NMNAT2: variants seen among roughly 807,000 people sequenced by gnomAD.
The protein encoded by NMNAT2 is nicotinamide/nicotinic acid mononucleotide adenylyltransferase 2.
Under a neutral mutation model 41.6 loss-of-function variants are expected in NMNAT2, and 11 were observed. The ratio of observed to expected loss-of-function variants is 0.26; its 90% CI spans 0.17 to 0.44. The LOEUF (loss-of-function observed/expected upper bound fraction) is 0.44, where lower values mean the gene tolerates loss of function less well. NMNAT2 is among the 20% of genes least tolerant of loss of function. NMNAT2 has a pLI of 1.00. For synonymous variants in NMNAT2, 148 were observed against 151.2 expected, an observed-to-expected ratio of 0.98 and a Z score of 0.16; for missense variants, 288 against 407.7, an observed-to-expected ratio of 0.71 and a Z score of 2.53.
chr1:183,312,518 ATTTAT>A (rs984004810), intron 1 of NMNAT2, among the ~76,000 whole-genome samples: 4 of 151,730 alleles, frequency 2.6e-5, no homozygotes, highest in Admixed American at 6.6e-5. Flanking sequence ...CTCTCTGTAT[ATTTAT>A]TTTATTACTT....
intron 1 of NMNAT2, among the ~76,000 whole-genome samples, chr1:183,390,155 A>G (rs1320121791): frequency 6.6e-6 from 1 of 152,132 alleles, no homozygotes; most frequent in South Asian, 2.1e-4. Context: ...CTGTGTGTTT[A>G]CAAATCAGAA....
intron 1 of NMNAT2, among the ~76,000 whole-genome samples, chr1:183,338,896 C>G (rs994611689): frequency 4.6e-5 from 7 of 152,110 alleles, no homozygotes; most frequent in African/African-American, 1.7e-4. Flanking sequence ...TGGAGACTCT[C>G]CCACTCTGTC....
At chr1:183,358,655 C>T (rs550817828) in intron 1 of NMNAT2, among the ~76,000 whole-genome samples, 6 of 152,140 alleles carry the variant, frequency 3.9e-5, no homozygotes, top group Non-Finnish European at 8.8e-5. Flanking sequence ...GAGGGAACAA[C>T]GGGGAGACTT....
At chr1:183,369,727 A>T (rs1305580412) in intron 1 of NMNAT2, among the ~76,000 whole-genome samples, 1 of 151,832 alleles carries the variant, frequency 6.6e-6, no homozygotes, top group Non-Finnish European at 1.5e-5. Context: ...CATCTTCTCA[A>T]ACTGAAACTC....
At chr1:183,400,028 C>T (rs574853952) in intron 1 of NMNAT2, among the ~76,000 whole-genome samples, 2 of 152,310 alleles carry the variant, frequency 1.3e-5, no homozygotes, top group African/African-American at 4.8e-5. Flanking sequence ...ACTCTCACCA[C>T]TCCTATTCAA....
intron 1 of NMNAT2, among the ~76,000 whole-genome samples, chr1:183,394,799 C>G (rs1012548563): frequency 2.0e-5 from 3 of 152,226 alleles, no homozygotes; most frequent in Non-Finnish European, 4.4e-5. Flanking sequence ...CAGATGTCTT[C>G]GCAAGTCACT....
At chr1:183,332,419 TATTAATC>T (rs1297412823) in intron 1 of NMNAT2, among the ~76,000 whole-genome samples, 1 of 152,206 alleles carries the variant, frequency 6.6e-6, no homozygotes, top group Non-Finnish European at 1.5e-5. Context: ...CAGAATGTGA[TATTAATC>T]ATTGTGAATA....
At chr1:183,338,892 C>A (rs1185447986) in intron 1 of NMNAT2, among the ~76,000 whole-genome samples, 1 of 152,112 alleles carries the variant, frequency 6.6e-6, no homozygotes, top group African/African-American at 2.4e-5. Context: ...CTTTTGGAGA[C>A]TCTCCCACTC....
At chr1:183,333,221 G>A (rs1472214678) in intron 1 of NMNAT2, among the ~76,000 whole-genome samples, 4 of 152,160 alleles carry the variant, frequency 2.6e-5, no homozygotes, top group Non-Finnish European at 5.9e-5. Flanking sequence ...GGCATTTACT[G>A]AACATCTTCA....
intron 1 of NMNAT2, among the ~76,000 whole-genome samples, chr1:183,358,533 G>A (rs1382055413): frequency 6.6e-6 from 1 of 152,150 alleles, no homozygotes; most frequent in Non-Finnish European, 1.5e-5. Context: ...CTGAGTAAAG[G>A]TGCAAAGGTG....
At chr1:183,374,379 T>C (rs550170385) in intron 1 of NMNAT2, among the ~76,000 whole-genome samples, 1 of 152,330 alleles carries the variant, frequency 6.6e-6, no homozygotes, top group Admixed American at 6.5e-5. Context: ...CAGAGCCTTC[T>C]ACCCCGTCAA....
rs574680024 is a variant in NMNAT2 at position 183,315,988 on chromosome 1, T to C, written c.86-22195A>G. 1.8e-4 allele frequency among the ~76,000 whole-genome samples: 28 copies of C among 152,346 alleles called. No individual in the cohort carries two copies. In the East Asian group the frequency reaches 5.2e-3, roughly 28 times the overall value. ...TAGAATAACAAAAGTCTTTAATTTT[T>C]GATTCTTAGAGCTTTTTCTCCTTAA... On this transcript the variant is annotated intron_variant, in intron 1 of 10. Transcript: ENST00000287713.
At chr1:183,303,157 A>G (rs539156160) in intron 1 of NMNAT2, among the ~76,000 whole-genome samples, 1 of 152,150 alleles carries the variant, frequency 6.6e-6, no homozygotes, top group Non-Finnish European at 1.5e-5. Flanking sequence ...AAAAGCAATG[A>G]TATCATTTTC....
intron 1 of NMNAT2, among the ~76,000 whole-genome samples, chr1:183,341,238 T>C (rs559921903): frequency 3.1e-4 from 47 of 152,192 alleles, no homozygotes; most frequent in Non-Finnish European, 5.0e-4. Flanking sequence ...TGTGAGACTC[T>C]GGGACCATCA....
chr1:183,387,587 G>T (rs1476517133), intron 1 of NMNAT2, among the ~76,000 whole-genome samples: 1 of 152,104 alleles, frequency 6.6e-6, no homozygotes, highest in African/African-American at 2.4e-5. Flanking sequence ...CTATCTCTTG[G>T]TCTTAACCTG....
intron 1 of NMNAT2, among the ~76,000 whole-genome samples, chr1:183,392,845 A>T (rs1391695460): frequency 6.6e-6 from 1 of 152,152 alleles, no homozygotes; most frequent in Non-Finnish European, 1.5e-5. Context: ...ACCTTTTGCA[A>T]TTGCAATCCC....
At chr1:183,355,807 A>C (rs2102355428) in intron 1 of NMNAT2, among the ~76,000 whole-genome samples, 2 of 152,302 alleles carry the variant, frequency 1.3e-5, no homozygotes, top group Middle Eastern at 3.4e-3. Flanking sequence ...TGCTGTTCAA[A>C]CCCATGGAGG....
chr1:183,306,346 AGAATGT>A (rs1557873364), intron 1 of NMNAT2, among the ~76,000 whole-genome samples: 1 of 152,218 alleles, frequency 6.6e-6, no homozygotes, highest in African/African-American at 2.4e-5. Context: ...TTTTCCAGAA[AGAATGT>A]TTTCTTCCAG....
chr1:183,262,244 C>T lies in NMNAT2; in HGVS notation c.652-941G>A, dbSNP rs78958595. 4.8e-4 allele frequency among the ~76,000 whole-genome samples: 72 copies of T among 150,920 alleles called. No homozygotes were observed. In the East Asian group the frequency reaches 0.011, roughly 23 times the overall value. On this transcript the variant is annotated intron_variant, in intron 8 of 10. Transcript: ENST00000287713. The stretch of plus-strand genomic sequence containing the variant: ...TTGTACCTAGCCAAAACCTTCTTTT[C>T]GTTTAAAAGAAATAACATTTTTATT...
Sources: gnomAD v4.1 joint callset for allele counts (sites outside exome capture counted in the v4.1 genomes callset) on GRCh38, gnomAD v4.1.1 for gene constraint, MANE v1.5 for transcripts, NCBI Gene and HGNC (gene_info 2026-07-23, HGNC 2026-07-21) for gene names.